EPHA3: variants seen among roughly 807,000 people sequenced by gnomAD.
The protein encoded by EPHA3 is ephrin type-A receptor 3.
Under a neutral mutation model 107.1 loss-of-function variants are expected in EPHA3, and 42 were observed. The ratio of observed to expected loss-of-function variants is 0.39; its 90% CI spans 0.31 to 0.51. EPHA3 has a LOEUF of 0.51. Among genes scored for constraint, EPHA3 ranks in the 20% least tolerant of loss-of-function variants. The pLI is 0.78. For missense variants in EPHA3, 1,183 were observed against 1,211.2 expected (o/e 0.98, Z 0.35); for synonymous variants, 461 against 424.8 (o/e 1.09, Z -1.05).
chr3:89,374,159 TA>T (rs980528963), intron 5 of EPHA3, among the ~76,000 whole-genome samples: 2 of 151,750 alleles, frequency 1.3e-5, no homozygotes, highest in Non-Finnish European at 2.9e-5. Flanking sequence ...GCAACTAGAA[TA>T]AAAAAGTCAG....
intron 10 of EPHA3, among the ~76,000 whole-genome samples, chr3:89,417,143 C>T (rs534333141): frequency 6.6e-6 from 1 of 151,416 alleles, no homozygotes; most frequent in Admixed American, 6.6e-5. Flanking sequence ...ACTTAACATA[C>T]ATTAGTTCCT....
chr3:89,407,994 G>C, intron 8 of EPHA3, 73 bp from the exon 9 acceptor site: 1 of 1,349,816 alleles, frequency 7.4e-7, no homozygotes, highest in Non-Finnish European at 1.0e-6. Context: ...TTTATGCTTT[G>C]CACATTCTGA....
At chr3:89,281,004 A>ATTTTTTAT (rs71105126) in intron 3 of EPHA3, among the ~76,000 whole-genome samples, 32,363 of 147,256 alleles carry the variant, frequency 0.22, 4,304 homozygotes, top group African/African-American at 0.37. Context: ...CAAGATTTTT[A>ATTTTTTAT]TTATTTATTT....
intron 13 of EPHA3, among the ~76,000 whole-genome samples, chr3:89,443,599 A>C (rs1709823785): frequency 6.6e-6 from 1 of 152,234 alleles, no homozygotes; most frequent in South Asian, 2.1e-4. Context: ...AAATCTTTAG[A>C]AAAATCTACT....
intron 3 of EPHA3, among the ~76,000 whole-genome samples, chr3:89,327,689 T>A (rs1419818456): frequency 1.3e-5 from 2 of 152,146 alleles, no homozygotes; most frequent in Non-Finnish European, 2.9e-5. Context: ...AGGCATCTTT[T>A]CTGAAGTGCA....
chr3:89,351,056 ACTG>A (rs1176885473), intron 5 of EPHA3, among the ~76,000 whole-genome samples: 2 of 151,348 alleles, frequency 1.3e-5, no homozygotes, highest in Admixed American at 1.3e-4. Flanking sequence ...TGCAGAGGTT[ACTG>A]CTGTCTTTTT....
intron 2 of EPHA3, among the ~76,000 whole-genome samples, chr3:89,207,075 C>T (rs1706123100): frequency 6.6e-6 from 1 of 151,872 alleles, no homozygotes; most frequent in Admixed American, 6.6e-5. Flanking sequence ...AATAGGTGAG[C>T]TATGAAGAAC....
intron 3 of EPHA3, among the ~76,000 whole-genome samples, chr3:89,259,194 T>C (rs1467680400): frequency 6.6e-6 from 1 of 152,314 alleles, no homozygotes; most frequent in East Asian, 1.9e-4. Flanking sequence ...GTTACCTCTC[T>C]GACCTTTGCT....
chr3:89,234,806 C>G (rs916095781), intron 3 of EPHA3, among the ~76,000 whole-genome samples: 4 of 132,252 alleles, frequency 3.0e-5, no homozygotes, highest in African/African-American at 1.1e-4. Context: ...TTCCTTCCCT[C>G]CTCCTTTCTT....
chr3:89,272,671 G>A (rs1705702735), intron 3 of EPHA3, among the ~76,000 whole-genome samples: 2 of 151,834 alleles, frequency 1.3e-5, no homozygotes, highest in Non-Finnish European at 2.9e-5. Flanking sequence ...ATTCACTTCT[G>A]TCTGACGTGG....
At chr3:89,364,510 T>G (rs1335344913) in intron 5 of EPHA3, among the ~76,000 whole-genome samples, 1 of 151,024 alleles carries the variant, frequency 6.6e-6, no homozygotes, top group East Asian at 1.9e-4. Context: ...GGCAGAAAAT[T>G]TATAGCTCCT....
In EPHA3 at chr3:89,127,240, G is replaced by A. The variant is rs1704114111; in HGVS notation, c.120G>A (p.Gly40=). ...VNLLDSKTIQ[G]ELGWISYPSH... The stretch of plus-strand genomic sequence containing the variant: ...TACTGGATTCAAAAACAATTCAAGG[G>A]GAGCTGGGCTGGATCTCTTATCCAT... The change falls in exon 2 of 17, where the codon GGG becomes GGA. Residue 40 remains glycine, a synonymous_variant. Transcript: ENST00000336596. The A allele has an allele frequency of 6.2e-7, 1 of 1,612,232 alleles. No homozygotes were observed. The highest frequency in any genetic ancestry group is 8.5e-7 in the Non-Finnish European group (1 of 1,178,684).
At chr3:89,279,002 C>A (rs1477581109) in intron 3 of EPHA3, among the ~76,000 whole-genome samples, 1 of 152,098 alleles carries the variant, frequency 6.6e-6, no homozygotes, top group Non-Finnish European at 1.5e-5. Flanking sequence ...AAAATTTGAA[C>A]CAAATGTGTA....
chr3:89,416,854 A>C (rs1709258822), intron 10 of EPHA3, among the ~76,000 whole-genome samples: 1 of 151,352 alleles, frequency 6.6e-6, no homozygotes, highest in African/African-American at 2.4e-5. Context: ...TAAAATTTGA[A>C]CTCCTACTTT....
intron 3 of EPHA3, among the ~76,000 whole-genome samples, chr3:89,249,563 C>G (rs1194423524): frequency 6.6e-6 from 1 of 152,084 alleles, no homozygotes; most frequent in Non-Finnish European, 1.5e-5. Flanking sequence ...TGGGCTCGAG[C>G]AATTCCCCCG....
chr3:89,457,039 G>T (rs1410907746), intron 15 of EPHA3, among the ~76,000 whole-genome samples: 3 of 152,266 alleles, frequency 2.0e-5, no homozygotes, highest in South Asian at 2.1e-4. Context: ...CGGGAATCCC[G>T]AGGGGAGGTG....
In EPHA3 at chr3:89,413,137, A is replaced by C. The variant is rs1433189232; in HGVS notation, c.1763-4A>C. The stretch of plus-strand genomic sequence containing the variant: ...ATTGCGCCTTTCTTTCTTTCCTCAA[A>C]CAGTAAAACTTCCAGGTCTCAGGAC... On this transcript the variant is annotated splice_region_variant and splice_polypyrimidine_tract_variant and intron_variant, in intron 9 of 16. Transcript: ENST00000336596. The C allele has an allele frequency of 6.2e-7, 1 of 1,610,634 alleles. No homozygotes were observed. Among genetic ancestry groups the C allele is most frequent in the East Asian group, 2.2e-5 (1 of 44,784 alleles).
rs1710152157 is a variant in EPHA3, at chr3:89,458,747, C to T, written c.2690+8377C>T. On this transcript the variant is annotated intron_variant, in intron 15 of 16. Transcript: ENST00000336596. ...GTGCACACGTATGTTTGTTGCAGGA[C>T]TATTTACAATAGCAAAAACTTGGAA... 3.9e-5 allele frequency among the ~76,000 whole-genome samples: 6 copies of T among 152,248 alleles called. No individual in the cohort carries two copies. The South Asian group carries it at 1.2e-3, about 32-fold the overall frequency.
At chr3:89,398,212 G>A (rs939008964) in intron 6 of EPHA3, among the ~76,000 whole-genome samples, 16 of 152,080 alleles carry the variant, frequency 1.1e-4, no homozygotes, top group African/African-American at 3.1e-4. Context: ...GATATACAGC[G>A]TTTCATATTA....
Sources: gnomAD v4.1 joint callset for allele counts (sites outside exome capture counted in the v4.1 genomes callset) on GRCh38, gnomAD v4.1.1 for gene constraint, MANE v1.5 for transcripts, NCBI Gene and HGNC (gene_info 2026-07-23, HGNC 2026-07-21) for gene names.